Variants in OCRL observed in about 807,000 individuals in gnomAD.
OCRL encodes the protein OCRL inositol polyphosphate-5-phosphatase.
A neutral mutation model predicts 78.9 loss-of-function variants in OCRL; 8 were observed. The ratio of observed to expected loss-of-function variants is 0.10; its 90% CI spans 0.06 to 0.18. The LOEUF (loss-of-function observed/expected upper bound fraction) is 0.18. Among genes scored for constraint, OCRL ranks in the 10% least tolerant of loss-of-function variants. The pLI, the probability that OCRL is intolerant of heterozygous loss-of-function variation, is 1.00. For synonymous variants in OCRL, 240 were observed against 235.4 expected (o/e 1.02, Z -0.18); for missense variants, 454 against 696.7 (o/e 0.65, Z 3.92).
At chrX:129,568,300 CTTTCT>C (rs1417344684) in intron 14 of OCRL, among the ~76,000 whole-genome samples, 31 of 111,961 alleles carry the variant, frequency 2.8e-4, no homozygotes, top group African/African-American at 9.1e-4. Flanking sequence ...CCTACTATCT[CTTTCT>C]TTTCTTTTCC....
rs1368757901 is a variant in OCRL at position 129,592,551 on chromosome X, GA to G, written c.*2286del. ...TTTTCTGAATAAATATATGTTGTGT[GA>G]AAAAGCAAAGTGTGATTTTGGTGAG... On this transcript the variant is annotated 3_prime_UTR_variant, in exon 24 of 24. Coordinates refer to ENST00000371113, the MANE Select transcript of OCRL (RefSeq NM_000276.4). 2 of 112,074 alleles carry G rather than the reference GA, an allele frequency of 1.8e-5. No individual in the cohort carries two copies. The highest frequency in any genetic ancestry group is 3.8e-5 in the Non-Finnish European group (2 of 53,174). The allele number at this position is 112,074 out of a possible 1,213,427, so 9.2% of individuals were successfully genotyped here.
At chrX:129,589,046 G>A (rs747857082) in intron 22 of OCRL, 33 bp downstream of exon 22, 8 of 1,206,538 alleles carry the variant, frequency 6.6e-6, no homozygotes, top group Admixed American at 4.4e-5. Context: ...TGTGTTTGAC[G>A]CAGATTGCCC....
At chrX:129,571,104 C>T (rs996927008) in intron 15 of OCRL, among the ~76,000 whole-genome samples, 2 of 112,264 alleles carry the variant, frequency 1.8e-5, no homozygotes, top group Admixed American at 1.9e-4. Context: ...GCTCTTTCTA[C>T]TACCCCACAA....
At chrX:129,555,078 C>G (rs61110488) in intron 4 of OCRL, among the ~76,000 whole-genome samples, 23,682 of 110,047 alleles carry the variant, frequency 0.22, 4,476 homozygotes, top group East Asian at 0.74. Context: ...TTTTAATGTG[C>G]ACATATGGTC....
intron 14 of OCRL, among the ~76,000 whole-genome samples, chrX:129,568,876 A>G (rs1936258061): frequency 1.8e-5 from 2 of 112,700 alleles, no homozygotes; most frequent in Admixed American, 1.9e-4. Flanking sequence ...ATGCTCATAG[A>G]GTAAAGGAAA....
intron 10 of OCRL, 138 bp from the exon 11 acceptor site, chrX:129,562,246 C>A: frequency 1.8e-6 from 1 of 553,642 alleles, no homozygotes; most frequent in Non-Finnish European, 3.3e-6. Flanking sequence ...TTGACGGGGT[C>A]CACTGAGAAA....
chrX:129,569,208 A>G (rs1936262824), intron 14 of OCRL, 56 bp from the exon 15 acceptor site: 1 of 1,158,056 alleles, frequency 8.6e-7, no homozygotes, highest in Non-Finnish European at 1.2e-6. Context: ...CCAGTGTGGT[A>G]GGTATTATGT....
intron 18 of OCRL, among the ~76,000 whole-genome samples, chrX:129,579,748 T>C (rs1936417752): frequency 8.9e-6 from 1 of 112,268 alleles, no homozygotes; most frequent in African/African-American, 3.2e-5. Flanking sequence ...CAAATAATCC[T>C]CAATATTGAT....
intron 15 of OCRL, among the ~76,000 whole-genome samples, chrX:129,572,775 C>A (rs1936318955): frequency 9.1e-6 from 1 of 110,426 alleles, no homozygotes; most frequent in Non-Finnish European, 1.9e-5. Context: ...TGTCCTCACC[C>A]CTAGAGGCTG....
chrX:129,592,315 T>C lies in OCRL; in HGVS notation c.*2045T>C, dbSNP rs1448811416. The C allele has an allele frequency of 8.8e-6, 1 of 113,197 alleles. No homozygotes were observed. Among genetic ancestry groups the C allele is most frequent in the Non-Finnish European group, 1.9e-5 (1 of 53,276 alleles). 9.3% of individuals were successfully genotyped at this position (113,197 alleles called of 1,213,427 possible). Reference sequence around the variant, plus strand: ...GCTGCTCTGAAGTAAGGATTTCGGATTCAGCTGGTAGGGAAAGACTCTGCA... The same window carrying C: ...GCTGCTCTGAAGTAAGGATTTCGGACTCAGCTGGTAGGGAAAGACTCTGCA... On this transcript the variant is annotated 3_prime_UTR_variant, in exon 24 of 24. Transcript: ENST00000371113.
In OCRL at chrX:129,590,268, T is replaced by A; in HGVS notation, c.2704T>A (p.Ter902LysextTer9). The stretch of plus-strand genomic sequence containing the variant: ...CTTTCTGCTTGGGAGCGAAGAAGAC[T>A]AAGGCTTTTACTGTTCTCTGATATT... Reference protein sequence around the residue: ...LGFLLGSEED* With the variant: ...LGFLLGSEEDK Residue 902 changes from the stop codon to lysine, a stop_lost, in exon 24 of 24, where the codon TAA (stop) becomes AAA (lysine). Transcript: ENST00000371113. The A allele has an allele frequency of 8.3e-7, 1 of 1,211,043 alleles. No homozygotes were observed. The highest frequency in any genetic ancestry group is 1.8e-5 in the South Asian group (1 of 56,954).
In OCRL at chrX:129,557,756, C is replaced by T. The variant is rs1936079727; in HGVS notation, c.350-105C>T. On this transcript the variant is annotated intron_variant, in intron 5 of 23. Coordinates refer to ENST00000371113, the MANE Select transcript of OCRL (RefSeq NM_000276.4). ...TCTTCCACTGTATCCAAAAATGGTG[C>T]TGGCCCCTGCATATAAGGAATGTTG... 2.6e-5 allele frequency: 16 copies of T among 615,261 alleles called. No homozygotes were observed. The South Asian group carries it at 3.5e-4, about 14-fold the overall frequency. 50.7% of individuals were successfully genotyped at this position (615,261 alleles called of 1,213,427 possible).
intron 13 of OCRL, among the ~76,000 whole-genome samples, chrX:129,566,387 AGAT>A (rs1282830723): frequency 8.9e-6 from 1 of 112,656 alleles, no homozygotes; most frequent in East Asian, 2.8e-4. Context: ...CATGGGAACT[AGAT>A]GATAAGTTGA....
intron 16 of OCRL, 79 bp downstream of exon 16, chrX:129,575,329 C>T: frequency 3.1e-6 from 2 of 647,236 alleles, no homozygotes; most frequent in Admixed American, 2.5e-5. Flanking sequence ...GAAAAGGCTA[C>T]ATAGCAACGT....
At chrX:129,542,060 T>C (rs1401439899) in intron 2 of OCRL, among the ~76,000 whole-genome samples, 1 of 111,427 alleles carries the variant, frequency 9.0e-6, no homozygotes, top group Non-Finnish European at 1.9e-5. Flanking sequence ...AAGGCTAGAG[T>C]GGGTTACAGA....
At chrX:129,571,269 C>T (rs1282044566) in intron 15 of OCRL, among the ~76,000 whole-genome samples, 1 of 111,014 alleles carries the variant, frequency 9.0e-6, no homozygotes, top group Non-Finnish European at 1.9e-5. Context: ...AAACACTAAC[C>T]TCTTTGGTTA....
rs765317784 is a variant in OCRL, at chrX:129,558,861, T to C, written c.582T>C (p.Ala194=). The stretch of plus-strand genomic sequence containing the variant: ...CTAGGCTTCCACGTGAAAAAGAAGC[T>C]TCTAACAAGGAGCAGCCCAAAGTGA... ...VNKMLPREKE[A]SNKEQPKVTN... is the part of the protein sequence containing the mutation. The change falls in exon 8 of 24, where the codon GCT becomes GCC. Residue 194 remains alanine, a synonymous_variant. Coordinates refer to ENST00000371113, the MANE Select transcript of OCRL (RefSeq NM_000276.4). 3 of 1,212,087 alleles carry C rather than the reference T, an allele frequency of 2.5e-6. No individual in the cohort carries two copies. The highest frequency in any genetic ancestry group is 1.8e-5 in the South Asian group (1 of 57,022).
intron 14 of OCRL, among the ~76,000 whole-genome samples, chrX:129,568,163 G>A (rs1466951959): frequency 2.7e-5 from 3 of 110,188 alleles, no homozygotes; most frequent in Non-Finnish European, 3.8e-5. Context: ...TGATCCACCC[G>A]CCTCGGCCTC....
Position 129,569,337 on chromosome X carries a change from C to A in OCRL, c.1540C>A (p.Arg514=), listed in dbSNP as rs749601263. Residue 514 remains arginine (R), a synonymous_variant, in exon 15 of 24, where the codon CGG becomes AGG. Coordinates refer to ENST00000371113, the MANE Select transcript of OCRL (RefSeq NM_000276.4). ...RGTNVNQLNY[R]SHMELKTSDH... is the part of the protein sequence containing the mutation. ...AACAAATGTTAATCAGCTTAATTAT[C>A]GGAGTCACATGGAACTGAAAACCAG... 2 of 1,210,615 alleles carry A rather than the reference C, an allele frequency of 1.7e-6. No homozygotes were observed. Among genetic ancestry groups the A allele is most frequent in the Non-Finnish European group, 2.2e-6 (2 of 894,346 alleles).
Sources: allele counts gnomAD v4.1 joint callset (sites outside exome capture counted in the v4.1 genomes callset), GRCh38; gene constraint gnomAD v4.1.1; transcripts MANE v1.5; gene names NCBI Gene and HGNC (gene_info 2026-07-23, HGNC 2026-07-21).